Variants in NRG3 observed in about 807,000 individuals in gnomAD.
The protein encoded by NRG3 is neuregulin 3.
NRG3 carries 31 observed loss-of-function variants against 66.9 expected under a neutral mutation model. The ratio of observed to expected loss-of-function variants is 0.46; its 90% CI spans 0.35 to 0.63. NRG3 has a LOEUF of 0.63. Among genes scored for constraint, NRG3 ranks in the 20% least tolerant of loss-of-function variants. The pLI is 0.00. For synonymous variants in NRG3, 393 were observed against 359.4 expected (o/e 1.09, Z -1.06); for missense variants, 910 against 878.9 (o/e 1.04, Z -0.45).
chr10:82,678,095 A>AGTGCTCATGCACTTAGTGCTCAT (rs2053848141), intron 2 of NRG3, among the ~76,000 whole-genome samples: 1 of 152,160 alleles, frequency 6.6e-6, no homozygotes, highest in Non-Finnish European at 1.5e-5. Flanking sequence ...CTCATGCTTG[A>AGTGCTCATGCACTTAGTGCTCAT]GCCCACACAC....
chr10:82,083,226 A>G (rs1428195226), intron 1 of NRG3, among the ~76,000 whole-genome samples: 3 of 152,104 alleles, frequency 2.0e-5, no homozygotes, highest in East Asian at 3.9e-4. Context: ...TCTGTCCCAT[A>G]TATACCTATT....
chr10:81,893,389 C>T (rs968671475), intron 1 of NRG3, among the ~76,000 whole-genome samples: 2 of 151,936 alleles, frequency 1.3e-5, no homozygotes, highest in Non-Finnish European at 2.9e-5. Flanking sequence ...TATTTTGCTT[C>T]GAGTTCGTCA....
intron 1 of NRG3, among the ~76,000 whole-genome samples, chr10:82,062,106 G>A (rs1425752150): frequency 6.6e-6 from 1 of 152,132 alleles, no homozygotes; most frequent in Admixed American, 6.5e-5. Context: ...GGCACAATGT[G>A]TCAGCAGAAC....
chr10:82,483,321 G>A (rs780863668), intron 2 of NRG3, among the ~76,000 whole-genome samples: 8 of 152,204 alleles, frequency 5.3e-5, no homozygotes, highest in Non-Finnish European at 1.2e-4. Flanking sequence ...CCCAGATGGA[G>A]GCCAGCTCTT....
chr10:81,946,160 G>A (rs1025012608), intron 1 of NRG3, among the ~76,000 whole-genome samples: 3 of 151,614 alleles, frequency 2.0e-5, no homozygotes, highest in Non-Finnish European at 4.4e-5. Flanking sequence ...GGGATTACAG[G>A]CACCCGCCAC....
At chr10:82,179,662 G>C (rs1371066261) in intron 1 of NRG3, among the ~76,000 whole-genome samples, 2 of 151,698 alleles carry the variant, frequency 1.3e-5, no homozygotes, top group East Asian at 1.9e-4. Flanking sequence ...AATATGTTTT[G>C]AAATTACAGA....
At chr10:81,991,076 A>G (rs2060721203) in intron 1 of NRG3, among the ~76,000 whole-genome samples, 1 of 152,126 alleles carries the variant, frequency 6.6e-6, no homozygotes, top group Admixed American at 6.6e-5. Context: ...CACATCAGGT[A>G]TGTCGTGACA....
intron 2 of NRG3, among the ~76,000 whole-genome samples, chr10:82,367,503 A>G (rs2084612607): frequency 1.3e-5 from 2 of 152,148 alleles, no homozygotes; most frequent in African/African-American, 4.8e-5. Context: ...CTATATAATG[A>G]TGTCTTTAAA....
At chr10:82,420,448 G>A (rs527606323) in intron 2 of NRG3, among the ~76,000 whole-genome samples, 1 of 152,202 alleles carries the variant, frequency 6.6e-6, no homozygotes, top group Non-Finnish European at 1.5e-5. Flanking sequence ...CAGATACACA[G>A]AGCTGGATTT....
At chr10:82,073,038 G>A (rs970255569) in intron 1 of NRG3, among the ~76,000 whole-genome samples, 2 of 152,050 alleles carry the variant, frequency 1.3e-5, no homozygotes, top group South Asian at 2.1e-4. Flanking sequence ...TCCTCCCAAA[G>A]TGTTGGGGTT....
Position 82,339,374 on chromosome 10 carries a change from T to TA in NRG3, c.824-19364dup, listed in dbSNP as rs1277126347. On this transcript the variant is annotated intron_variant, in intron 1 of 8. Coordinates refer to ENST00000372141, the MANE Select transcript of NRG3 (RefSeq NM_001010848.4). ...ATAGCTGGGGAGTCCTCAGGAAACT[T>TA]ACAATCACGGCGGAAGGCACCTCTT... 4.6e-5 allele frequency among the ~76,000 whole-genome samples: 7 copies of TA among 152,216 alleles called. No individual in the cohort carries two copies. In the East Asian group the frequency reaches 7.7e-4, roughly 17 times the overall value.
intron 1 of NRG3, among the ~76,000 whole-genome samples, chr10:81,943,408 A>G (rs778034306): frequency 1.3e-5 from 2 of 152,164 alleles, no homozygotes; most frequent in Non-Finnish European, 2.9e-5. Context: ...TTTGGGTTGT[A>G]TGTGCCATCT....
intron 3 of NRG3, among the ~76,000 whole-genome samples, chr10:82,798,195 C>CAAAT (rs1032414208): frequency 6.6e-6 from 1 of 151,908 alleles, no homozygotes; most frequent in Non-Finnish European, 1.5e-5. Flanking sequence ...AGGGGCTGAC[C>CAAAT]AAATATACAC....
chr10:82,502,695 A>G (rs957560530), intron 2 of NRG3, among the ~76,000 whole-genome samples: 14 of 152,172 alleles, frequency 9.2e-5, no homozygotes, highest in African/African-American at 2.9e-4. Flanking sequence ...GTTTCCTCCT[A>G]TATTAATTGT....
chr10:81,942,941 A>T (rs1589542658), intron 1 of NRG3, among the ~76,000 whole-genome samples: 1 of 152,210 alleles, frequency 6.6e-6, no homozygotes, highest in Admixed American at 6.5e-5. Context: ...TTTTTAGAAC[A>T]TTAAAGTTAG....
Position 82,816,628 on chromosome 10 carries a change from C to T in NRG3, c.1028-48783C>T, listed in dbSNP as rs115103881. Among the ~76,000 whole-genome samples the T allele has an allele frequency of 4.8e-3, 737 of 152,140 alleles. 8 individuals carry two copies. Among genetic ancestry groups the T allele is most frequent in the African/African-American group, 0.017 (695 of 41,518 alleles). ...ATTCCACCTGAAGGTGGGTCTTTACCCCTTCCCACAGAGGAGCCTGTCTGC... is the reference window on the plus strand; with the variant it reads ...ATTCCACCTGAAGGTGGGTCTTTACTCCTTCCCACAGAGGAGCCTGTCTGC... On this transcript the variant is annotated intron_variant, in intron 3 of 8. Coordinates refer to ENST00000372141, the MANE Select transcript of NRG3 (RefSeq NM_001010848.4).
intron 2 of NRG3, among the ~76,000 whole-genome samples, chr10:82,626,274 G>T (rs1317168941): frequency 6.6e-6 from 1 of 152,102 alleles, no homozygotes; most frequent in African/African-American, 2.4e-5. Flanking sequence ...TCTTGTTGAG[G>T]TTATGAGAAC....
At chr10:82,102,126 G>A (rs28807712) in intron 1 of NRG3, among the ~76,000 whole-genome samples, 9 of 7,774 alleles carry the variant, frequency 1.2e-3, no homozygotes, top group Non-Finnish European at 2.1e-3. Flanking sequence ...ATATATATAT[G>A]TGTATTCATA....
At chr10:82,967,869 C>T (rs1195250086) in intron 6 of NRG3, among the ~76,000 whole-genome samples, 2 of 152,186 alleles carry the variant, frequency 1.3e-5, no homozygotes, top group African/African-American at 4.8e-5. Flanking sequence ...GAAGTATCGG[C>T]ATTCTGCCTA....
Sources: allele counts gnomAD v4.1 joint callset (sites outside exome capture counted in the v4.1 genomes callset), GRCh38; gene constraint gnomAD v4.1.1; transcripts MANE v1.5; gene names NCBI Gene and HGNC (gene_info 2026-07-23, HGNC 2026-07-21).